The following KATNIP variants were observed in gnomAD, a reference collection of about 807,000 sequenced individuals.
KATNIP encodes katanin-interacting protein.
Under a neutral mutation model 174.0 loss-of-function variants are expected in KATNIP, and 126 were observed. The observed-to-expected ratio is 0.72, with a 90% CI of 0.63 to 0.84. KATNIP has a LOEUF of 0.84. Among genes scored for constraint, KATNIP ranks in the 40% least tolerant of loss-of-function variants. The pLI is 0.00. For synonymous variants in KATNIP, 810 were observed against 835.7 expected, an observed-to-expected ratio of 0.97 and a Z score of 0.53; for missense variants, 1,958 against 2,109.7, an observed-to-expected ratio of 0.93 and a Z score of 1.41.
chr16:27,640,633 A>T (rs927312496), intron 5 of KATNIP, among the ~76,000 whole-genome samples: 2 of 147,624 alleles, frequency 1.4e-5, no homozygotes, highest in East Asian at 2.0e-4. Flanking sequence ...TTCTCCCATT[A>T]TGTGTGCTGT....
chr16:27,618,516 T>A lies in KATNIP; in HGVS notation c.140+15T>A, dbSNP rs773307678. On this transcript the variant is annotated intron_variant, in intron 3 of 27. Transcript: ENST00000261588. ...CAGAGGAACCGGTAAGAGAAGCCAC[T>A]CGACGGCAGCCCTTGATATTAGCGA... 1.9e-6 allele frequency: 3 copies of A among 1,572,036 alleles called. No homozygotes were observed. Among genetic ancestry groups the A allele is most frequent in the Non-Finnish European group, 2.6e-6 (3 of 1,141,646 alleles).
intron 8 of KATNIP, among the ~76,000 whole-genome samples, chr16:27,691,199 G>A (rs1242513398): frequency 6.6e-6 from 1 of 152,196 alleles, no homozygotes; most frequent in Non-Finnish European, 1.5e-5. Context: ...TGGCTGGTGA[G>A]CCGACCGGCA....
chr16:27,710,931 G>A (rs2079546544), intron 13 of KATNIP, among the ~76,000 whole-genome samples: 8 of 152,144 alleles, frequency 5.3e-5, no homozygotes, highest in Admixed American at 5.2e-4. Context: ...CCCAGATTCT[G>A]GTCTTGACTC....
At chr16:27,643,778 C>A (rs1012355526) in intron 5 of KATNIP, among the ~76,000 whole-genome samples, 1 of 151,882 alleles carries the variant, frequency 6.6e-6, no homozygotes. Flanking sequence ...ACTCTGACAT[C>A]ATTTTCTTCA....
intron 2 of KATNIP, among the ~76,000 whole-genome samples, chr16:27,605,868 G>A (rs1055811996): frequency 5.1e-4 from 77 of 152,108 alleles, no homozygotes; most frequent in African/African-American, 1.8e-3. Context: ...GGTGGCTCAG[G>A]CCTGTAATCC....
At chr16:27,701,955 G>A (rs2079116060) in intron 11 of KATNIP, among the ~76,000 whole-genome samples, 1 of 152,124 alleles carries the variant, frequency 6.6e-6, no homozygotes, top group South Asian at 2.1e-4. Flanking sequence ...ACCGCACCCA[G>A]CTAATTTGTG....
chr16:27,680,711 C>T lies in KATNIP; in HGVS notation c.809-688C>T, dbSNP rs115788083. Among the ~76,000 whole-genome samples, 661 of 138,300 alleles carry T rather than the reference C, an allele frequency of 4.8e-3. 6 individuals carry two copies. Among genetic ancestry groups the T allele is most frequent in the African/African-American group, 0.016 (631 of 38,576 alleles). 90.7% of individuals were successfully genotyped at this position (138,300 alleles called of 152,430 possible). On this transcript the variant is annotated intron_variant, in intron 7 of 27. Transcript: ENST00000261588. ...CTTTTTTTGCAGAGGGAGGGTGGGG[C>T]GGGGAACGAAGTCTTGCTCTGCCCC...
chr16:27,773,792 C>T (rs2082395300), intron 23 of KATNIP, among the ~76,000 whole-genome samples: 1 of 152,134 alleles, frequency 6.6e-6, no homozygotes, highest in Admixed American at 6.5e-5. Flanking sequence ...GTTGCCATTT[C>T]TCCCCAAGCA....
chr16:27,772,874 C>T (rs1185363084), intron 22 of KATNIP, among the ~76,000 whole-genome samples: 1 of 152,000 alleles, frequency 6.6e-6, no homozygotes. Flanking sequence ...TGCATACACA[C>T]ACATGAACAC....
chr16:27,598,770 C>T (rs2075418174), intron 2 of KATNIP, among the ~76,000 whole-genome samples: 4 of 152,284 alleles, frequency 2.6e-5, no homozygotes, highest in Admixed American at 2.6e-4. Context: ...AGGAGATATA[C>T]ATGCAGGGGT....
intron 27 of KATNIP, among the ~76,000 whole-genome samples, 188 bp from the exon 28 acceptor site, chr16:27,778,386 G>A (rs1396160932): frequency 6.6e-6 from 1 of 152,222 alleles, no homozygotes; most frequent in East Asian, 1.9e-4. Context: ...AAGGCTGAGA[G>A]GGGTGTTGTG....
chr16:27,727,506 G>A (rs1281647504), intron 14 of KATNIP: 1 of 152,396 alleles, frequency 6.6e-6, no homozygotes, highest in Non-Finnish European at 1.5e-5. Flanking sequence ...GGTTGATTTG[G>A]AGAATGGATC....
intron 6 of KATNIP, among the ~76,000 whole-genome samples, chr16:27,654,962 A>G (rs115125854): frequency 0.022 from 3,315 of 151,510 alleles, 139 homozygotes; most frequent in African/African-American, 0.076. Context: ...ACCTTGTCTC[A>G]ACTAAAAATT....
chr16:27,751,298 G>A (rs2081507293), intron 16 of KATNIP, among the ~76,000 whole-genome samples: 1 of 152,154 alleles, frequency 6.6e-6, no homozygotes, highest in African/African-American at 2.4e-5. Flanking sequence ...TGAAGGTGAA[G>A]GAGCAGGGCG....
chr16:27,561,346 CAT>C (rs938185674), intron 1 of KATNIP, among the ~76,000 whole-genome samples: 2 of 152,100 alleles, frequency 1.3e-5, no homozygotes, highest in Non-Finnish European at 2.9e-5. Context: ...CTAGTGGACA[CAT>C]ATGGTTTCCC....
chr16:27,769,348 T>C (rs1445974793), intron 20 of KATNIP, among the ~76,000 whole-genome samples: 4 of 152,202 alleles, frequency 2.6e-5, no homozygotes. Context: ...GGGGTATTGA[T>C]GTGTGAGCCA....
At chr16:27,647,699 T>G (rs1395619846) in intron 5 of KATNIP, among the ~76,000 whole-genome samples, 4 of 152,100 alleles carry the variant, frequency 2.6e-5, no homozygotes, top group African/African-American at 4.8e-5. Context: ...GAGATGGGGT[T>G]TCTCCATCTT....
intron 6 of KATNIP, among the ~76,000 whole-genome samples, chr16:27,674,026 C>T (rs911699331): frequency 6.6e-6 from 1 of 152,168 alleles, no homozygotes; most frequent in Non-Finnish European, 1.5e-5. Context: ...TGGCTCATAC[C>T]TGTAGTCCCA....
At chr16:27,692,601 C>A (rs1253035362) in intron 8 of KATNIP, among the ~76,000 whole-genome samples, 1 of 152,120 alleles carries the variant, frequency 6.6e-6, no homozygotes, top group Non-Finnish European at 1.5e-5. Flanking sequence ...CTGGCACCTG[C>A]TGTTCCAGGC....
Sources: allele counts gnomAD v4.1 joint callset (sites outside exome capture counted in the v4.1 genomes callset), GRCh38; gene constraint gnomAD v4.1.1; transcripts MANE v1.5; gene names NCBI Gene and HGNC (gene_info 2026-07-23, HGNC 2026-07-21).